PCGF6: variants seen among roughly 807,000 people sequenced by gnomAD.
PCGF6 encodes polycomb group ring finger 6, also known as polycomb group RING finger protein 6.
In PCGF6, 24 loss-of-function variants were observed where a neutral mutation model predicts 45.5. The observed-to-expected ratio is 0.53, with a 90% CI of 0.38 to 0.74. The LOEUF (loss-of-function observed/expected upper bound fraction) is 0.74. Ranked by LOEUF, PCGF6 falls within the 30% of genes least tolerant of loss-of-function variation. The probability of loss-of-function intolerance (pLI) is 0.00; values close to 1 mark genes in which losing one functional copy is unlikely to be tolerated. For synonymous variants in PCGF6, 152 were observed against 162.1 expected (o/e 0.94, Z 0.47); for missense variants, 356 against 443.2 (o/e 0.80, Z 1.77).
intron 7 of PCGF6, among the ~76,000 whole-genome samples, chr10:103,328,055 G>A (rs1299803041): frequency 6.6e-6 from 1 of 152,008 alleles, no homozygotes; most frequent in African/African-American, 2.4e-5. Flanking sequence ...AATAGTTTGA[G>A]GTGTAGGAGG....
chr10:103,344,705 G>C (rs2093293214), intron 6 of PCGF6, among the ~76,000 whole-genome samples: 1 of 151,866 alleles, frequency 6.6e-6, no homozygotes, highest in Non-Finnish European at 1.5e-5. Flanking sequence ...TGGGATTACA[G>C]GCACCCGCCA....
rs768900276 is a variant in PCGF6 at position 103,303,928 on chromosome 10, C to A, written c.1030G>T (p.Val344Phe). 5 of 1,613,488 alleles carry A rather than the reference C, an allele frequency of 3.1e-6. No homozygotes were observed. The Middle Eastern group carries it at 5.0e-4, about 160-fold the overall frequency. ...CTTCAAGTTATCTTCAGAGGAGAAACCACAAGACCATAATGAAGGACAAGC... is the reference window on the plus strand; with the variant it reads ...CTTCAAGTTATCTTCAGAGGAGAAAACACAAGACCATAATGAAGGACAAGC... Reference protein sequence around the residue: ...GLLVLHYGLVVSPLKIT With the variant: ...GLLVLHYGLVFSPLKIT The change falls in exon 10 of 10, where the codon GTT (valine) becomes TTT (phenylalanine). Residue 344 changes from valine to phenylalanine, a missense_variant. Coordinates refer to ENST00000369847, the MANE Select transcript of PCGF6 (RefSeq NM_001011663.2).
chr10:103,336,296 T>C (rs1405861525), intron 6 of PCGF6, among the ~76,000 whole-genome samples: 1 of 151,066 alleles, frequency 6.6e-6, no homozygotes, highest in Non-Finnish European at 1.5e-5. Flanking sequence ...GATACAGAAA[T>C]ATTTATATAT....
intron 8 of PCGF6, among the ~76,000 whole-genome samples, chr10:103,319,473 A>T (rs2093188814): frequency 6.6e-6 from 1 of 151,806 alleles, no homozygotes; most frequent in Non-Finnish European, 1.5e-5. Flanking sequence ...CTTTGCTACT[A>T]AGTTCTTTTT....
In PCGF6 at chr10:103,303,115, A is replaced by G. The variant is rs913527975; in HGVS notation, c.*790T>C. 4 of 152,634 alleles carry G rather than the reference A, an allele frequency of 2.6e-5. No homozygotes were observed. The highest frequency in any genetic ancestry group is 7.2e-5 in the African/African-American group (3 of 41,454). The allele number at this position is 152,634 out of a possible 1,614,324, so 9.5% of individuals were successfully genotyped here. Reference sequence around the variant, plus strand: ...AAACAATGAATAAGTAATTCTGTAAACTTCTCAAATTCTCCTAAAATTTTT... The same window carrying G: ...AAACAATGAATAAGTAATTCTGTAAGCTTCTCAAATTCTCCTAAAATTTTT... On this transcript the variant is annotated 3_prime_UTR_variant, in exon 10 of 10. Coordinates refer to ENST00000369847, the MANE Select transcript of PCGF6 (RefSeq NM_001011663.2).
rs2093234964 is a variant in PCGF6 at position 103,330,170 on chromosome 10, G to C, written c.811-3538C>G. On this transcript the variant is annotated intron_variant, in intron 7 of 9. Coordinates refer to ENST00000369847, the MANE Select transcript of PCGF6 (RefSeq NM_001011663.2). ...GCTCACTGCAGCCTCTGCCTCCCGG[G>C]TTCAAGCAATTCTCCTGCCACAGCC... is the stretch of plus-strand genomic sequence containing the variant. Among the ~76,000 whole-genome samples the C allele has an allele frequency of 2.6e-5, 4 of 151,952 alleles. No individual in the cohort carries two copies. The South Asian group carries it at 8.3e-4, about 32-fold the overall frequency.
intron 6 of PCGF6, among the ~76,000 whole-genome samples, chr10:103,341,570 G>A (rs1325670337): frequency 6.6e-6 from 1 of 151,188 alleles, no homozygotes; most frequent in African/African-American, 2.4e-5. Flanking sequence ...CTCCTGAATA[G>A]CTGGGATTAC....
chr10:103,347,186 T>C (rs980870055), intron 5 of PCGF6, 52 bp downstream of exon 5: 8 of 1,377,980 alleles, frequency 5.8e-6, no homozygotes, highest in East Asian at 2.3e-5. Context: ...ATATATTTTA[T>C]TGTTAGTATT....
chr10:103,316,013 T>TAGAGAGAGAGAGAG (rs5787488), intron 8 of PCGF6, among the ~76,000 whole-genome samples: 1 of 119,528 alleles, frequency 8.4e-6, no homozygotes, highest in African/African-American at 3.2e-5. Flanking sequence ...TATATATATA[T>TAGAGAGAGAGAGAG]AGAGAGAGAG....
chr10:103,340,005 T>TAAAAAA (rs2093274292), intron 6 of PCGF6, among the ~76,000 whole-genome samples: 2 of 26,116 alleles, frequency 7.7e-5, no homozygotes, highest in African/African-American at 1.4e-4. Flanking sequence ...CTACTAAAAA[T>TAAAAAA]ACAAAAAAAA....
intron 6 of PCGF6, among the ~76,000 whole-genome samples, chr10:103,342,084 G>A (rs1461394882): frequency 6.6e-6 from 1 of 151,492 alleles, no homozygotes; most frequent in Non-Finnish European, 1.5e-5. Flanking sequence ...ACAGGCACGT[G>A]CCACCACACC....
chr10:103,340,723 A>T (rs1183798024), intron 6 of PCGF6, among the ~76,000 whole-genome samples: 1 of 151,818 alleles, frequency 6.6e-6, no homozygotes, highest in African/African-American at 2.4e-5. Flanking sequence ...CAGCCTCCCT[A>T]GTAGATGGGA....
chr10:103,349,033 G>A, intron 1 of PCGF6, 34 bp from the exon 2 acceptor site: 2 of 1,526,224 alleles, frequency 1.3e-6, no homozygotes, highest in Non-Finnish European at 1.8e-6. Flanking sequence ...TAAAATACAA[G>A]TCCTTGCCTT....
intron 5 of PCGF6, 62 bp downstream of exon 5, chr10:103,347,176 A>G (rs183908150): frequency 4.8e-5 from 62 of 1,303,500 alleles, no homozygotes; most frequent in Non-Finnish European, 6.5e-6. Flanking sequence ...TTCAAAGGGC[A>G]TATATTTTAT....
chr10:103,344,771 T>C (rs1379108620), intron 6 of PCGF6, among the ~76,000 whole-genome samples: 2 of 151,958 alleles, frequency 1.3e-5, no homozygotes, highest in Non-Finnish European at 2.9e-5. Flanking sequence ...GGTTTCGCCA[T>C]GTTAGCCAGG....
In PCGF6 at chr10:103,350,790, C is replaced by T. The variant is rs1231696707; in HGVS notation, c.277G>A (p.Glu93Lys). The change falls in exon 1 of 10, where the codon GAA becomes AAA. Residue 93 changes from glutamate (E) to lysine (K), a missense_variant. Physicochemically the swap from Glu to Lys is moderately conservative, Grantham distance 56. This residue lies in a region of PCGF6 where 307 missense variants were observed against 350.1 expected (regional missense o/e 0.88). Coordinates refer to ENST00000369847, the MANE Select transcript of PCGF6 (RefSeq NM_001011663.2). Reference protein sequence around the residue: ...ELEEEEELEEEEEEEEEDMSH... With the variant: ...ELEEEEELEEKEEEEEEDMSH... Reference sequence around the variant, plus strand: ...ATGTCCTCCTCCTCCTCCTCTTCTTCCTCCTCCAGCTCCTCTTCTTCTTCC... The same window carrying T: ...ATGTCCTCCTCCTCCTCCTCTTCTTTCTCCTCCAGCTCCTCTTCTTCTTCC... 6.4e-7 allele frequency: 1 copy of T among 1,558,938 alleles called. No individual in the cohort carries two copies. The highest frequency in any genetic ancestry group is 1.2e-5 in the South Asian group (1 of 84,102).
At chr10:103,320,935 T>G (rs1192342583) in intron 8 of PCGF6, among the ~76,000 whole-genome samples, 1 of 152,204 alleles carries the variant, frequency 6.6e-6, no homozygotes, top group Non-Finnish European at 1.5e-5. Context: ...TGTAGTCTGA[T>G]GACTAGCAAA....
chr10:103,340,488 AT>A (rs1179278661), intron 6 of PCGF6, among the ~76,000 whole-genome samples: 8 of 152,162 alleles, frequency 5.3e-5, no homozygotes, highest in Non-Finnish European at 1.2e-4. Context: ...TGGCACACCC[AT>A]CACACGTTTA....
chr10:103,346,942 A>G (rs1229855391), intron 5 of PCGF6, among the ~76,000 whole-genome samples: 1 of 152,184 alleles, frequency 6.6e-6, no homozygotes, highest in Admixed American at 6.6e-5. Context: ...TTTTTAAATG[A>G]AGTGGTATGA....
Sources: gnomAD v4.1 joint callset for allele counts (sites outside exome capture counted in the v4.1 genomes callset) on GRCh38, gnomAD v4.1.1 for gene constraint, gnomAD v4.1.1 regional missense constraint, MANE v1.5 for transcripts, NCBI Gene and HGNC (gene_info 2026-07-23, HGNC 2026-07-21) for gene names.